CFAP20DC: variants seen among roughly 807,000 people sequenced by gnomAD.
The protein encoded by CFAP20DC is protein CFAP20DC.
Under a neutral mutation model 101.7 loss-of-function variants are expected in CFAP20DC, and 84 were observed. The observed-to-expected ratio is 0.83, with a 90% CI of 0.69 to 0.99. CFAP20DC has a LOEUF of 0.99. CFAP20DC is among the 50% of genes least tolerant of loss of function. The pLI, the probability that CFAP20DC is intolerant of heterozygous loss-of-function variation, is 0.00. For synonymous variants in CFAP20DC, 359 were observed against 351.2 expected, an observed-to-expected ratio of 1.02 and a Z score of -0.25; for missense variants, 1,007 against 970.3, an observed-to-expected ratio of 1.04 and a Z score of -0.50.
chr3:58,890,366 C>G (rs545008624), intron 6 of CFAP20DC, among the ~76,000 whole-genome samples: 1 of 142,798 alleles, frequency 7.0e-6, no homozygotes, highest in South Asian at 2.2e-4. Context: ...GGGCTCCTCA[C>G]TTCCCAGTAG....
chr3:58,751,583 A>C (rs773797060), intron 16 of CFAP20DC, among the ~76,000 whole-genome samples: 1 of 152,150 alleles, frequency 6.6e-6, no homozygotes, highest in Admixed American at 6.6e-5. Context: ...TGAGCCCTTG[A>C]GATATTTTAA....
chr3:58,814,309 C>T (rs2074935391), intron 14 of CFAP20DC, among the ~76,000 whole-genome samples: 1 of 151,874 alleles, frequency 6.6e-6, no homozygotes, highest in African/African-American at 2.4e-5. Context: ...CCCCTCCTTG[C>T]TTTAGACTAA....
chr3:58,853,815 G>T (rs2078489083), intron 12 of CFAP20DC, among the ~76,000 whole-genome samples: 2 of 152,088 alleles, frequency 1.3e-5, no homozygotes, highest in Admixed American at 6.5e-5. Context: ...CAATAAATTA[G>T]GTATTGATGG....
In CFAP20DC at chr3:58,988,923, C is replaced by T. The variant is rs574475727; in HGVS notation, c.278+50634G>A. ...ATGGTTCCAAATGTTATGATGATGT[C>T]TTTTGCCAGGAGTTCATTTCTAAAA... On this transcript the variant is annotated intron_variant, in intron 4 of 16. Transcript: ENST00000482387. Among the ~76,000 whole-genome samples the T allele has an allele frequency of 5.1e-4, 77 of 152,196 alleles. 1 individual carries two copies. The highest frequency in any genetic ancestry group is 1.8e-3 in the African/African-American group (76 of 41,550).
intron 15 of CFAP20DC, among the ~76,000 whole-genome samples, chr3:58,757,204 C>T (rs201897859): frequency 1.3e-5 from 2 of 152,056 alleles, no homozygotes; most frequent in East Asian, 1.9e-4. Context: ...GCTGATTTCC[C>T]GAGAGCAACT....
rs1159733910 is a variant in CFAP20DC, at chr3:59,001,210, TTTATG to T, written c.278+38342_278+38346del. ...AAATAACACACATTGTAAATTATAATTTATGTACTTAATTTCTATACTTTATCCTT... is the reference window on the plus strand; with the variant it reads ...AAATAACACACATTGTAAATTATAATTACTTAATTTCTATACTTTATCCTT... On this transcript the variant is annotated intron_variant, in intron 4 of 16. Coordinates refer to ENST00000482387, the MANE Select transcript of CFAP20DC (RefSeq NM_001394063.1). This position sits in a 1 kb window ranked among gnomAD's most constrained non-coding sequence, Gnocchi z 4.5. Among the ~76,000 whole-genome samples the T allele has an allele frequency of 6.6e-6, 1 of 152,144 alleles. No homozygotes were observed. Among genetic ancestry groups the T allele is most frequent in the Non-Finnish European group, 1.5e-5 (1 of 68,002 alleles).
chr3:58,925,089 T>A (rs903290818), intron 5 of CFAP20DC, among the ~76,000 whole-genome samples: 3 of 152,154 alleles, frequency 2.0e-5, no homozygotes, highest in Non-Finnish European at 2.9e-5. Flanking sequence ...TGTCTCCTCA[T>A]CCTATTATCT....
At chr3:58,773,143 T>A (rs73837956) in intron 15 of CFAP20DC, among the ~76,000 whole-genome samples, 5,930 of 152,008 alleles carry the variant, frequency 0.039, 117 homozygotes, top group Middle Eastern at 0.068. Context: ...CAAATGCTTA[T>A]GAAACATAGG....
intron 6 of CFAP20DC, among the ~76,000 whole-genome samples, chr3:58,901,108 G>A (rs1044347053): frequency 6.6e-6 from 1 of 152,168 alleles, no homozygotes; most frequent in Non-Finnish European, 1.5e-5. Flanking sequence ...TATTTGGTAA[G>A]AGCCTGCAGT....
intron 7 of CFAP20DC, among the ~76,000 whole-genome samples, chr3:58,879,835 T>C (rs1351636016): frequency 4.6e-5 from 7 of 152,074 alleles, no homozygotes; most frequent in African/African-American, 1.4e-4. Flanking sequence ...ATCTCAAAAT[T>C]CATACTCATA....
At chr3:58,895,765 G>C (rs531503334) in intron 6 of CFAP20DC, among the ~76,000 whole-genome samples, 5 of 152,296 alleles carry the variant, frequency 3.3e-5, no homozygotes, top group African/African-American at 1.2e-4. Context: ...ACAAAAGAAA[G>C]AGGCTTAATG....
intron 4 of CFAP20DC, among the ~76,000 whole-genome samples, chr3:59,019,792 A>C (rs2093765926): frequency 6.6e-6 from 1 of 152,098 alleles, no homozygotes; most frequent in Non-Finnish European, 1.5e-5. Context: ...TGATTCTCAA[A>C]GGGTAGTTTG....
intron 3 of CFAP20DC, among the ~76,000 whole-genome samples, chr3:58,735,259 A>G (rs2067725237): frequency 6.6e-6 from 1 of 152,236 alleles, no homozygotes; most frequent in Admixed American, 6.5e-5. Flanking sequence ...CACATAGCAT[A>G]TAATCTGACA....
At chr3:58,833,385 T>C (rs528022399) in intron 13 of CFAP20DC, among the ~76,000 whole-genome samples, 27 of 151,940 alleles carry the variant, frequency 1.8e-4, no homozygotes, top group Non-Finnish European at 3.7e-4. Context: ...AAAATGTATA[T>C]CCCAATGAAA....
At position 58,722,587 on chromosome 3, in the gene CFAP20DC, C is replaced by T. The variant is rs2067488129; in HGVS notation, c.198-4959G>A. ...CCTTCAACTCAAAAGCCCAGCTCTCCCCTTCGACGCAGGGTCAAGGCAAGA... is the reference window on the plus strand; with the variant it reads ...CCTTCAACTCAAAAGCCCAGCTCTCTCCTTCGACGCAGGGTCAAGGCAAGA... On this transcript the variant is annotated intron_variant, in intron 3 of 3. Transcript: ENST00000486145. This position sits in a 1 kb window ranked among gnomAD's most constrained non-coding sequence, Gnocchi z 4.5. Among the ~76,000 whole-genome samples the T allele has an allele frequency of 1.3e-5, 2 of 152,212 alleles. No individual in the cohort carries two copies. The highest frequency in any genetic ancestry group is 4.8e-5 in the African/African-American group (2 of 41,462).
At chr3:58,821,426 A>G (rs1575762738) in intron 14 of CFAP20DC, among the ~76,000 whole-genome samples, 1 of 152,224 alleles carries the variant, frequency 6.6e-6, no homozygotes, top group African/African-American at 2.4e-5. Context: ...AGAATCTACA[A>G]TGAACACAAA....
Position 58,758,143 on chromosome 3 carries a change from G to GT in CFAP20DC, c.2238-4281dup, listed in dbSNP as rs143212436. ...AATTTCCCCACTCTGGTGGCATTTT[G>GT]TTTGTTTGTTTTGTTTTTTATTTTA... On this transcript the variant is annotated intron_variant, in intron 15 of 16. Transcript: ENST00000482387. 2.3e-3 allele frequency among the ~76,000 whole-genome samples: 356 copies of GT among 151,912 alleles called. 2 individuals carry two copies. The highest frequency in any genetic ancestry group is 3.4e-3 in the Middle Eastern group (1 of 294).
At chr3:58,740,271 C>G (rs114587869), downstream of CFAP20DC, among the ~76,000 whole-genome samples, 340 of 152,260 alleles carry the variant, frequency 2.2e-3, 4 homozygotes, top group African/African-American at 7.8e-3. The surrounding 1 kb of genome is among the most constrained non-coding windows in gnomAD (Gnocchi z 4.6). Flanking sequence ...TTTTGCCTGT[C>G]TGACACCCCT....
downstream of CFAP20DC, among the ~76,000 whole-genome samples, chr3:58,716,897 C>T (rs2067406841): frequency 6.6e-6 from 1 of 151,948 alleles, no homozygotes; most frequent in South Asian, 2.1e-4. Context: ...TCCAAATAGG[C>T]CCACTAGGCA....
Sources: allele counts gnomAD v4.1 joint callset (sites outside exome capture counted in the v4.1 genomes callset), GRCh38; gene constraint gnomAD v4.1.1; non-coding constraint Gnocchi (gnomAD v3.1); transcripts MANE v1.5; gene names NCBI Gene and HGNC (gene_info 2026-07-23, HGNC 2026-07-21).